Variants in TMF1 observed in about 807,000 individuals in gnomAD.
The protein encoded by TMF1 is TATA element modulatory factor 1, also known as TATA element modulatory factor.
In TMF1, 71 loss-of-function variants were observed where a neutral mutation model predicts 126.5. That is an observed-to-expected ratio of 0.56 (90% CI 0.46 to 0.68). TMF1 has a LOEUF of 0.68. Ranked by LOEUF, TMF1 falls within the 30% of genes least tolerant of loss-of-function variation. The probability of loss-of-function intolerance (pLI) is 0.00; values close to 1 mark genes in which losing one functional copy is unlikely to be tolerated. For missense variants in TMF1, 1,259 were observed against 1,253.2 expected, an observed-to-expected ratio of 1.00 and a Z score of -0.07; for synonymous variants, 461 against 430.5, an observed-to-expected ratio of 1.07 and a Z score of -0.88.
At position 69,048,549 on chromosome 3, in the gene TMF1, A is replaced by G. The variant is rs1238958158; in HGVS notation, c.156T>C (p.Pro52=). The G allele has an allele frequency of 3.1e-6, 5 of 1,590,532 alleles. No individual in the cohort carries two copies. Among genetic ancestry groups the G allele is most frequent in the Non-Finnish European group, 4.3e-6 (5 of 1,169,982 alleles). ...IPYGEPGISS[P]VSGGWDTSTW... is the part of the protein sequence containing the mutation. ...TTGAAGTATCCCATCCTCCACTGAC[A>G]GGGGAACTTATTCCTTTAACAAAAA... The change falls in exon 2 of 17, where the codon CCT becomes CCC. Residue 52 remains proline, a synonymous_variant. Transcript: ENST00000398559.
At chr3:69,027,276 G>A (rs2091773830) in intron 13 of TMF1, among the ~76,000 whole-genome samples, 2 of 152,112 alleles carry the variant, frequency 1.3e-5, no homozygotes, top group Non-Finnish European at 2.9e-5. Flanking sequence ...GATTACAGAT[G>A]TGAGTCCCCA....
chr3:69,036,024 A>G (rs1016373908), intron 8 of TMF1, among the ~76,000 whole-genome samples: 3 of 152,130 alleles, frequency 2.0e-5, no homozygotes, highest in African/African-American at 7.2e-5. Context: ...GCAGAAACAC[A>G]AAGGATATAT....
Position 69,048,123 on chromosome 3 carries a change from C to G in TMF1, c.582G>C (p.Leu194Phe). The change falls in exon 2 of 17, where the codon TTG (leucine) becomes TTC (phenylalanine). Residue 194 changes from leucine (L) to phenylalanine (F), a missense_variant. Transcript: ENST00000398559. ...ESDMKVPTVSLKVSESVIDVK... is the reference protein window; with the variant it reads ...ESDMKVPTVSFKVSESVIDVK... Reference sequence around the variant, plus strand: ...CATCAATTACACTTTCAGATACTTTCAAACTTACAGTTGGCACCTTCATAT... The same window carrying G: ...CATCAATTACACTTTCAGATACTTTGAAACTTACAGTTGGCACCTTCATAT... The G allele has an allele frequency of 6.2e-7, 1 of 1,614,192 alleles. No individual in the cohort carries two copies. Among genetic ancestry groups the G allele is most frequent in the Non-Finnish European group, 8.5e-7 (1 of 1,180,042 alleles).
At chr3:69,039,796 A>C in intron 5 of TMF1, 103 bp from the exon 6 acceptor site, 1 of 1,299,940 alleles carries the variant, frequency 7.7e-7, no homozygotes, top group Non-Finnish European at 1.0e-6. Flanking sequence ...AATTTTTTTA[A>C]ATTACAATTT....
At chr3:69,031,604 G>T (rs2091803253) in intron 10 of TMF1, among the ~76,000 whole-genome samples, 1 of 152,056 alleles carries the variant, frequency 6.6e-6, no homozygotes, top group South Asian at 2.1e-4. Context: ...TCTTATAACT[G>T]CACATGAATC....
chr3:69,048,858 TAAGG>T (rs2091911151), intron 1 of TMF1: 1 of 253,772 alleles, frequency 3.9e-6, no homozygotes, highest in Admixed American at 4.9e-5. Context: ...CACAACAAAT[TAAGG>T]AAGTAACAGT....
intron 5 of TMF1, 58 bp downstream of exon 5, chr3:69,042,749 G>T (rs1318132168): frequency 7.2e-7 from 1 of 1,381,622 alleles, no homozygotes; most frequent in Non-Finnish European, 1.0e-6. Flanking sequence ...TAGTTATGTG[G>T]CAAGTACTTT....
chr3:69,047,038 A>C (rs1247840871), intron 2 of TMF1, among the ~76,000 whole-genome samples: 2 of 152,214 alleles, frequency 1.3e-5, no homozygotes, highest in Non-Finnish European at 2.9e-5. Flanking sequence ...GTAAGAAAAT[A>C]TTCCTTTCAA....
chr3:69,034,957 G>T, intron 9 of TMF1, 66 bp downstream of exon 9: 2 of 1,381,832 alleles, frequency 1.4e-6, no homozygotes, highest in South Asian at 1.2e-5. Flanking sequence ...TCCCACTGAG[G>T]AATTCTTTTA....
At position 69,024,152 on chromosome 3, in the gene TMF1, C is replaced by T. The variant is rs1485121884; in HGVS notation, c.3041G>A (p.Arg1014Gln). Residue 1014 changes from arginine (R) to glutamine (Q), a missense_variant, in exon 16 of 17, where the codon CGA becomes CAA. Physicochemically the swap from Arg to Gln is conservative, Grantham distance 43. Coordinates refer to ENST00000398559, the MANE Select transcript of TMF1 (RefSeq NM_007114.3). Reference protein sequence around the residue: ...QLEIGNLEKTRSIMAEELVKL... With the variant: ...QLEIGNLEKTQSIMAEELVKL... ...AACTAGTTCTTCAGCCATTATTGATCGAGTTTTTTCTAGATTGCCAATTTC... is the reference window on the plus strand; with the variant it reads ...AACTAGTTCTTCAGCCATTATTGATTGAGTTTTTTCTAGATTGCCAATTTC... 4.4e-6 allele frequency: 7 copies of T among 1,605,918 alleles called. No individual in the cohort carries two copies. Among genetic ancestry groups the T allele is most frequent in the East Asian group, 4.5e-5 (2 of 44,392 alleles).
chr3:69,039,781 A>G, intron 5 of TMF1, 88 bp from the exon 6 acceptor site: 1 of 1,431,326 alleles, frequency 7.0e-7, no homozygotes, highest in Non-Finnish European at 9.4e-7. Context: ...AACATAAAAG[A>G]ACAGAATTTT....
chr3:69,023,426 A>G, intron 16 of TMF1, 106 bp from the exon 17 acceptor site: 3 of 881,874 alleles, frequency 3.4e-6, no homozygotes, highest in Non-Finnish European at 5.1e-6. Context: ...TTTAAATAAA[A>G]GTATATACTC....
chr3:69,033,051 C>T (rs557548870), intron 10 of TMF1, among the ~76,000 whole-genome samples: 7 of 151,852 alleles, frequency 4.6e-5, no homozygotes, highest in Non-Finnish European at 1.0e-4. Flanking sequence ...TGCAGACAAG[C>T]TACAAAGGGG....
chr3:69,026,634 CA>C (rs905119687), intron 13 of TMF1, among the ~76,000 whole-genome samples: 2 of 150,274 alleles, frequency 1.3e-5, no homozygotes, highest in African/African-American at 2.5e-5. Context: ...AACAAACAAA[CA>C]AAAAAAAAGT....
At chr3:69,030,967 C>G (rs1356228924) in intron 10 of TMF1, among the ~76,000 whole-genome samples, 1 of 152,164 alleles carries the variant, frequency 6.6e-6, no homozygotes, top group African/African-American at 2.4e-5. Flanking sequence ...GTAGCTTTAT[C>G]TGTAATAGCC....
Position 69,035,383 on chromosome 3 carries a change from T to C in TMF1, c.2152-268A>G, listed in dbSNP as rs115454012. ...AAGGCATAGCCATTACCATACAATA[T>C]TGGAGAAAAGACAGTGCGTCTATAA... On this transcript the variant is annotated intron_variant, in intron 8 of 16. Transcript: ENST00000398559. The C allele has an allele frequency of 1.7e-3, 689 of 399,114 alleles. 2 individuals are homozygous for C. The highest frequency in any genetic ancestry group is 3.2e-3 in the Admixed American group (75 of 23,454). 24.7% of individuals were successfully genotyped at this position (399,114 alleles called of 1,614,324 possible).
rs779253956 is a variant in TMF1, at chr3:69,023,160, A to G, written c.*17T>C. ...AAATGCTTACATTCAGTTTGATGGG[A>G]ATTCAATTTTCACAAGTTAACTGAG... On this transcript the variant is annotated 3_prime_UTR_variant, in exon 17 of 17. Coordinates refer to ENST00000398559, the MANE Select transcript of TMF1 (RefSeq NM_007114.3). 6.2e-7 allele frequency: 1 copy of G among 1,602,238 alleles called. No individual in the cohort carries two copies. The highest frequency in any genetic ancestry group is 8.5e-7 in the Non-Finnish European group (1 of 1,171,906).
At position 69,048,180 on chromosome 3, in the gene TMF1, G is replaced by C; in HGVS notation, c.525C>G (p.Gly175=). The C allele has an allele frequency of 6.2e-7, 1 of 1,614,142 alleles. No individual in the cohort carries two copies. Among genetic ancestry groups the C allele is most frequent in the Non-Finnish European group, 8.5e-7 (1 of 1,180,024 alleles). ...AAGTSSPKTE[G]KHEETVNKES... The stretch of plus-strand genomic sequence containing the variant: ...CTTTATTAACAGTTTCTTCGTGCTT[G>C]CCTTCAGTTTTAGGTGATGAAGTAC... The change falls in exon 2 of 17, where the codon GGC becomes GGG. Residue 175 remains glycine, a synonymous_variant. Transcript: ENST00000398559.
chr3:69,047,948 T>C lies in TMF1; in HGVS notation c.757A>G (p.Thr253Ala), dbSNP rs1356204533. Residue 253 changes from threonine to alanine, a missense_variant, in exon 2 of 17, where the codon ACT (threonine) becomes GCT (alanine). Coordinates refer to ENST00000398559, the MANE Select transcript of TMF1 (RefSeq NM_007114.3). The stretch of plus-strand genomic sequence containing the variant: ...ACTTCAATATCACTGGTGGTAGAAG[T>C]ACCTGATGAAAAGGTACTAACAGGA... ...SPPVSTFSSG[T>A]STTSDIEVLD... is the part of the protein sequence containing the mutation. 1.2e-6 allele frequency: 2 copies of C among 1,613,934 alleles called. No homozygotes were observed. Among genetic ancestry groups the C allele is most frequent in the Non-Finnish European group, 8.5e-7 (1 of 1,180,040 alleles).
Sources: allele counts gnomAD v4.1 joint callset (sites outside exome capture counted in the v4.1 genomes callset), GRCh38; gene constraint gnomAD v4.1.1; transcripts MANE v1.5; gene names NCBI Gene and HGNC (gene_info 2026-07-23, HGNC 2026-07-21).